Variants in RYR2 observed in about 807,000 individuals in gnomAD.
RYR2 encodes cardiac muscle ryanodine receptor-calcium release channel.
A neutral mutation model predicts 601.1 loss-of-function variants in RYR2; 227 were observed. The ratio of observed to expected loss-of-function variants is 0.38; its 90% CI spans 0.34 to 0.42. The LOEUF is 0.42. Among genes scored for constraint, RYR2 ranks in the 10% least tolerant of loss-of-function variants. The pLI, the probability that RYR2 is intolerant of heterozygous loss-of-function variation, is 1.00. For missense variants in RYR2, 4,646 were observed against 6,156.5 expected (o/e 0.75, Z 8.21); for synonymous variants, 2,223 against 2,175.1 (o/e 1.02, Z -0.61).
chr1:237,661,463 T>C (rs1432171506), intron 56 of RYR2, among the ~76,000 whole-genome samples: 1 of 152,140 alleles, frequency 6.6e-6, no homozygotes, highest in Non-Finnish European at 1.5e-5. Context: ...ACCTGCACGT[T>C]CTGCACATGT....
intron 25 of RYR2, among the ~76,000 whole-genome samples, chr1:237,544,384 T>C (rs1411275452): frequency 6.6e-6 from 1 of 152,186 alleles, no homozygotes; most frequent in African/African-American, 2.4e-5. Flanking sequence ...GAAAGTAGAA[T>C]GTAATACAGA....
intron 44 of RYR2, among the ~76,000 whole-genome samples, 196 bp downstream of exon 44, chr1:237,635,188 C>T (rs1261422429): frequency 1.3e-5 from 2 of 152,134 alleles, no homozygotes; most frequent in African/African-American, 4.8e-5. Flanking sequence ...TTATAATTTA[C>T]ATTGCACACT....
At chr1:237,353,858 T>C (rs77271424) in intron 3 of RYR2, among the ~76,000 whole-genome samples, 2,715 of 152,294 alleles carry the variant, frequency 0.018, 86 homozygotes, top group African/African-American at 0.062. Flanking sequence ...TCCTTTGTCT[T>C]ATATGTTTTA....
At chr1:237,566,446 C>A (rs868091154) in intron 27 of RYR2, 121 bp from the exon 28 acceptor site, 1 of 997,230 alleles carries the variant, frequency 1.0e-6, no homozygotes, top group Non-Finnish European at 1.5e-6. Flanking sequence ...TCATTATCAT[C>A]ATCGCTCTAG....
intron 1 of RYR2, among the ~76,000 whole-genome samples, chr1:237,199,044 C>G (rs1680884452): frequency 6.6e-6 from 1 of 152,044 alleles, no homozygotes; most frequent in Admixed American, 6.5e-5. Flanking sequence ...TTGATAAATG[C>G]AAACTTCAAA....
At chr1:237,801,198 G>A (rs903179271) in intron 97 of RYR2, among the ~76,000 whole-genome samples, 1 of 152,058 alleles carries the variant, frequency 6.6e-6, no homozygotes, top group African/African-American at 2.4e-5. Flanking sequence ...TGTTTGATGT[G>A]TACATATGTT....
intron 10 of RYR2, among the ~76,000 whole-genome samples, chr1:237,415,692 G>T (rs559094810): frequency 6.6e-6 from 1 of 152,178 alleles, no homozygotes; most frequent in Admixed American, 6.6e-5. Flanking sequence ...AGACAAGAGA[G>T]GAATGGGGAC....
intron 11 of RYR2, among the ~76,000 whole-genome samples, chr1:237,421,143 G>T (rs991179961): frequency 2.0e-5 from 3 of 152,232 alleles, no homozygotes; most frequent in African/African-American, 7.2e-5. Flanking sequence ...GGAGGCTGGG[G>T]CTAGAGAATC....
At chr1:237,087,360 C>T (rs1410315531) in intron 1 of RYR2, among the ~76,000 whole-genome samples, 1 of 152,006 alleles carries the variant, frequency 6.6e-6, no homozygotes, top group African/African-American at 2.4e-5. Context: ...CTTTCCTCTC[C>T]TCCTCCTCCT....
rs376439588 is a variant in RYR2, at chr1:237,708,973, C to T, written c.10017C>T (p.His3339=). 1.7e-4 allele frequency: 282 copies of T among 1,613,608 alleles called. No individual in the cohort carries two copies. The highest frequency in any genetic ancestry group is 2.2e-4 in the Non-Finnish European group (265 of 1,179,778). Residue 3339 remains histidine, a synonymous_variant, in exon 69 of 105, where the codon CAC becomes CAT. Coordinates refer to ENST00000366574, the MANE Select transcript of RYR2 (RefSeq NM_001035.3). ...CTACGGTGGTGTCTGAGGAAGACCA[C>T]CTGAAAGCTGAGGCCAGGGGGGACA... The part of the protein sequence containing the change: ...KAATVVSEED[H]LKAEARGDMS...
At position 237,648,783 on chromosome 1, in the gene RYR2, T is replaced by G. The variant is rs10495399; in HGVS notation, c.7512+170T>G. Among the ~76,000 whole-genome samples, 8,291 of 152,234 alleles carry G rather than the reference T, an allele frequency of 0.054. 580 individuals are homozygous for G. The highest frequency in any genetic ancestry group is 0.16 in the African/African-American group (6,621 of 41,516). ...ACAGAAAATAAACTAGGCTATGTTC[T>G]CAAGGAATTCACTGAATAAACTGAC... On this transcript the variant is annotated intron_variant, in intron 49 of 104. Coordinates refer to ENST00000366574, the MANE Select transcript of RYR2 (RefSeq NM_001035.3).
chr1:237,429,441 G>A (rs1706565697), intron 12 of RYR2, among the ~76,000 whole-genome samples: 1 of 152,110 alleles, frequency 6.6e-6, no homozygotes, highest in African/African-American at 2.4e-5. Context: ...GTTCACCCCA[G>A]GCTGTAAGGA....
At chr1:237,060,756 A>G (rs1662734214) in intron 1 of RYR2, among the ~76,000 whole-genome samples, 2 of 152,214 alleles carry the variant, frequency 1.3e-5, no homozygotes, top group South Asian at 4.1e-4. Flanking sequence ...TTAGTGCTGT[A>G]TGCTACAATT....
intron 12 of RYR2, among the ~76,000 whole-genome samples, chr1:237,431,902 T>G (rs1341545922): frequency 6.6e-6 from 1 of 152,194 alleles, no homozygotes; most frequent in Non-Finnish European, 1.5e-5. Context: ...TTTACATTTC[T>G]GTGCGACTCA....
At chr1:237,689,331 A>G (rs1283125947) in intron 63 of RYR2, among the ~76,000 whole-genome samples, 3 of 152,212 alleles carry the variant, frequency 2.0e-5, no homozygotes, top group African/African-American at 4.8e-5. Flanking sequence ...CCATTTAATC[A>G]TAGCTCAAGC....
intron 14 of RYR2, among the ~76,000 whole-genome samples, chr1:237,450,990 G>A (rs1658021565): frequency 6.6e-6 from 1 of 151,218 alleles, no homozygotes; most frequent in South Asian, 2.1e-4. Flanking sequence ...TGTTTATATT[G>A]CATATATATT....
intron 1 of RYR2, among the ~76,000 whole-genome samples, chr1:237,044,401 T>C (rs1660304775): frequency 6.6e-6 from 1 of 152,126 alleles, no homozygotes; most frequent in Non-Finnish European, 1.5e-5. Flanking sequence ...GAGGTGGTGT[T>C]ATCAGAATGC....
chr1:237,725,137 AC>A (rs377411730), intron 74 of RYR2, among the ~76,000 whole-genome samples: 6 of 152,266 alleles, frequency 3.9e-5, no homozygotes, highest in African/African-American at 1.2e-4. Context: ...TATAGAAGCA[AC>A]CCATACTTAA....
At chr1:237,438,098 G>A (rs1001033067) in intron 12 of RYR2, among the ~76,000 whole-genome samples, 8 of 152,028 alleles carry the variant, frequency 5.3e-5, no homozygotes, top group South Asian at 4.2e-4. Flanking sequence ...CCAATCTGAT[G>A]CTAAGCTGAC....
Sources: allele counts gnomAD v4.1 joint callset (sites outside exome capture counted in the v4.1 genomes callset), GRCh38; gene constraint gnomAD v4.1.1; transcripts MANE v1.5; gene names NCBI Gene and HGNC (gene_info 2026-07-23, HGNC 2026-07-21).